The following LRRC4C variants were observed in gnomAD, a reference collection of about 807,000 sequenced individuals.
The protein encoded by LRRC4C is leucine rich repeat containing 4C.
LRRC4C carries 5 observed loss-of-function variants against 33.6 expected under a neutral mutation model. That is an observed-to-expected ratio of 0.15 (90% CI 0.08 to 0.31). The LOEUF (loss-of-function observed/expected upper bound fraction) is 0.31. LRRC4C is among the 10% of genes least tolerant of loss of function. The pLI, the probability that LRRC4C is intolerant of heterozygous loss-of-function variation, is 1.00. For missense variants in LRRC4C, 560 were observed against 796.7 expected (o/e 0.70, Z 3.58); for synonymous variants, 329 against 302.0 (o/e 1.09, Z -0.93).
At chr11:40,249,401 T>C (rs1866599848) in intron 4 of LRRC4C, among the ~76,000 whole-genome samples, 1 of 151,892 alleles carries the variant, frequency 6.6e-6, no homozygotes, top group African/African-American at 2.4e-5. Context: ...TTCCCAATAA[T>C]AACATACAGA....
chr11:40,912,155 A>T (rs1016820267), intron 2 of LRRC4C, among the ~76,000 whole-genome samples: 11 of 152,356 alleles, frequency 7.2e-5, no homozygotes, highest in African/African-American at 2.6e-4. Context: ...TCCCCAATCT[A>T]GCAAGGCAGG....
rs994191599 is a variant in LRRC4C at position 40,602,625 on chromosome 11, A to G, written c.-270+45517T>C. Among the ~76,000 whole-genome samples the G allele has an allele frequency of 2.0e-5, 3 of 152,324 alleles. No homozygotes were observed. In the East Asian group the frequency reaches 5.8e-4, roughly 29 times the overall value. On this transcript the variant is annotated intron_variant, in intron 3 of 6. Transcript: ENST00000528697. ...AAGGATTAAGGAAATGGCGAGTTTT[A>G]TTAAGGGAAGGATAAAAGGAAAAAA...
chr11:41,145,613 C>T (rs976477959), intron 1 of LRRC4C, among the ~76,000 whole-genome samples: 5 of 152,122 alleles, frequency 3.3e-5, no homozygotes, highest in Admixed American at 1.3e-4. Flanking sequence ...AACACTTTGT[C>T]GGATAAATTT....
intron 6 of LRRC4C, among the ~76,000 whole-genome samples, chr11:40,132,150 G>A (rs1856686334): frequency 6.6e-6 from 1 of 152,128 alleles, no homozygotes; most frequent in South Asian, 2.1e-4. Context: ...GTGCTTGAAA[G>A]GTCTGTTAGA....
chr11:40,991,204 TAAAA>T lies in LRRC4C; in HGVS notation c.-495-57485_-495-57482del, dbSNP rs1186155913. On this transcript the variant is annotated intron_variant, in intron 1 of 6. Coordinates refer to ENST00000528697, the MANE Select transcript of LRRC4C (RefSeq NM_001258419.2). ...GTGAACCTGGCAGCTTCCCAATATGTAAAAAAAAAAAAAAAAAAAAAAAAATCTA... is the reference window on the plus strand; with the variant it reads ...GTGAACCTGGCAGCTTCCCAATATGTAAAAAAAAAAAAAAAAAAAAATCTA... Among the ~76,000 whole-genome samples, 306 of 103,326 alleles carry T rather than the reference TAAAA, an allele frequency of 3.0e-3. 2 individuals are homozygous for T. The highest frequency in any genetic ancestry group is 0.01 in the African/African-American group (276 of 26,656). The allele number at this position is 103,326 out of a possible 152,430, so 67.8% of individuals were successfully genotyped here.
chr11:40,719,944 A>C (rs555747972), intron 2 of LRRC4C, among the ~76,000 whole-genome samples: 8 of 152,306 alleles, frequency 5.3e-5, no homozygotes, highest in African/African-American at 1.9e-4. Context: ...ATTAAAAAAA[A>C]AATTTTAATT....
intron 2 of LRRC4C, among the ~76,000 whole-genome samples, chr11:40,804,006 T>G: frequency 6.6e-6 from 1 of 152,230 alleles, no homozygotes; most frequent in East Asian, 1.9e-4. Flanking sequence ...AAATACTTGG[T>G]CTTATTCATT....
chr11:40,229,917 C>G (rs1029721161), intron 5 of LRRC4C, among the ~76,000 whole-genome samples: 8 of 152,166 alleles, frequency 5.3e-5, no homozygotes, highest in Admixed American at 2.6e-4. Context: ...CTGATCAGAG[C>G]TAATTTATGA....
In LRRC4C at chr11:40,969,478, T is replaced by C. The variant is rs898374263; in HGVS notation, c.-495-35755A>G. Among the ~76,000 whole-genome samples, 4 of 126,338 alleles carry C rather than the reference T, an allele frequency of 3.2e-5. 1 individual carries two copies. The highest frequency in any genetic ancestry group is 7.0e-5 in the Non-Finnish European group (4 of 57,046). The allele number at this position is 126,338 out of a possible 152,430, so 82.9% of individuals were successfully genotyped here. A position where few individuals can be genotyped will look rare whatever the true frequency, so the allele number is the denominator to read the frequency against. On this transcript the variant is annotated intron_variant, in intron 1 of 6. Transcript: ENST00000528697. Reference sequence around the variant, plus strand: ...CTTACACTACAAAAAAAAAAAAAACTATTTCATGAAAGGTAGTGTCAGTTG... The same window carrying C: ...CTTACACTACAAAAAAAAAAAAAACCATTTCATGAAAGGTAGTGTCAGTTG...
In LRRC4C at chr11:41,153,057, C is replaced by A. The variant is rs140680844; in HGVS notation, c.-495-219334G>T. 8.4e-3 allele frequency among the ~76,000 whole-genome samples: 1,273 copies of A among 152,244 alleles called. 26 individuals carry two copies. Among genetic ancestry groups the A allele is most frequent in the African/African-American group, 0.029 (1,211 of 41,536 alleles). ...CCATCTCATACTCTTACGTGAATCACGTCACTTGTAGCTTCCTAAGCCCTT... is the reference window on the plus strand; with the variant it reads ...CCATCTCATACTCTTACGTGAATCAAGTCACTTGTAGCTTCCTAAGCCCTT... On this transcript the variant is annotated intron_variant, in intron 1 of 6. Transcript: ENST00000528697.
At chr11:40,142,798 G>A (rs547904517) in intron 5 of LRRC4C, among the ~76,000 whole-genome samples, 3 of 151,890 alleles carry the variant, frequency 2.0e-5, no homozygotes, top group South Asian at 4.2e-4. Context: ...ACTGAAGACT[G>A]CCAAACTTAA....
intron 1 of LRRC4C, among the ~76,000 whole-genome samples, chr11:41,199,973 C>A (rs967368960): frequency 6.6e-6 from 1 of 152,162 alleles, no homozygotes; most frequent in Non-Finnish European, 1.5e-5. Context: ...TCATACAGCT[C>A]GTGAGCCTAA....
intron 1 of LRRC4C, among the ~76,000 whole-genome samples, chr11:41,366,819 A>G (rs1952562173): frequency 6.6e-6 from 1 of 152,126 alleles, no homozygotes; most frequent in Non-Finnish European, 1.5e-5. Context: ...GACAAGGAGA[A>G]AGGATTGATC....
At chr11:40,116,390 T>C in intron 6 of LRRC4C, 56 bp from the exon 7 acceptor site, 1 of 1,491,006 alleles carries the variant, frequency 6.7e-7, no homozygotes, top group Non-Finnish European at 9.0e-7. Flanking sequence ...TCTAAGTGTC[T>C]TTCTGGAGTA....
At chr11:41,239,372 A>T (rs1159756961) in intron 1 of LRRC4C, among the ~76,000 whole-genome samples, 2 of 149,136 alleles carry the variant, frequency 1.3e-5, no homozygotes, top group Non-Finnish European at 3.0e-5. Context: ...TTTCCTATTT[A>T]ATCAGAGTAA....
In LRRC4C at chr11:40,473,648, A is replaced by G. The variant is rs1953057685; in HGVS notation, c.-269-153927T>C. Among the ~76,000 whole-genome samples the G allele has an allele frequency of 2.0e-5, 3 of 152,164 alleles. No homozygotes were observed. In the South Asian group the frequency reaches 6.2e-4, roughly 31 times the overall value. ...AAATAAAGGGTACTCAAATAGGAAG[A>G]GGGGAAATCAAATTGTCTCTGTTTA... On this transcript the variant is annotated intron_variant, in intron 3 of 6. Coordinates refer to ENST00000528697, the MANE Select transcript of LRRC4C (RefSeq NM_001258419.2).
intron 3 of LRRC4C, among the ~76,000 whole-genome samples, chr11:40,349,029 GT>G: frequency 6.6e-6 from 1 of 152,166 alleles, no homozygotes; most frequent in Middle Eastern, 3.4e-3. Context: ...TCATATCAGG[GT>G]AAATGGAGTA....
chr11:41,294,349 G>A (rs1298676155), intron 1 of LRRC4C, among the ~76,000 whole-genome samples: 2 of 152,150 alleles, frequency 1.3e-5, no homozygotes, highest in Non-Finnish European at 2.9e-5. Flanking sequence ...GGTGAGACTT[G>A]GGGCTCTCAC....
At chr11:41,117,421 A>G (rs1002245627) in intron 1 of LRRC4C, among the ~76,000 whole-genome samples, 2 of 152,202 alleles carry the variant, frequency 1.3e-5, no homozygotes, top group Admixed American at 6.5e-5. Context: ...AACTAATTTT[A>G]TGATATAATA....
Sources: gnomAD v4.1 joint callset for allele counts (sites outside exome capture counted in the v4.1 genomes callset) on GRCh38, gnomAD v4.1.1 for gene constraint, MANE v1.5 for transcripts, NCBI Gene and HGNC (gene_info 2026-07-23, HGNC 2026-07-21) for gene names.